Variants in PCDH7 observed in about 807,000 individuals in gnomAD.
PCDH7 encodes the protein protocadherin-7.
PCDH7 carries 17 observed loss-of-function variants against 58.9 expected under a neutral mutation model. The observed-to-expected ratio is 0.29, with a 90% confidence interval of 0.20 to 0.43. PCDH7 has a LOEUF of 0.43. PCDH7 is among the 20% of genes least tolerant of loss of function. PCDH7 has a pLI of 1.00. For missense variants in PCDH7, 1,274 were observed against 1,441.0 expected (o/e 0.88, Z 1.88); for synonymous variants, 664 against 616.4 (o/e 1.08, Z -1.14).
At chr4:31,097,638 A>ATATATATATATATATATAATC (rs370034723) in intron 3 of PCDH7, among the ~76,000 whole-genome samples, 1 of 79,208 alleles carries the variant, frequency 1.3e-5, no homozygotes, top group African/African-American at 5.8e-5. Flanking sequence ...ATATATATAT[A>ATATATATATATATATATAATC]AATCTTTTTT....
At chr4:30,825,271 A>C (rs138561923) in intron 1 of PCDH7, among the ~76,000 whole-genome samples, 1 of 152,290 alleles carries the variant, frequency 6.6e-6, no homozygotes, top group East Asian at 1.9e-4. Flanking sequence ...GTTAACTTTG[A>C]AAATCTGTGA....
intron 3 of PCDH7, among the ~76,000 whole-genome samples, chr4:30,997,444 A>G (rs1297404491): frequency 6.6e-6 from 1 of 152,180 alleles, no homozygotes; most frequent in African/African-American, 2.4e-5. Context: ...CTATGACTAT[A>G]TAATTTAGAA....
chr4:30,817,671 A>AT (rs892578045), intron 1 of PCDH7, among the ~76,000 whole-genome samples: 37 of 146,014 alleles, frequency 2.5e-4, no homozygotes, highest in South Asian at 6.5e-4. Flanking sequence ...GATATGGTGG[A>AT]TTTTTTTTTT....
At chr4:31,072,472 A>T (rs1435964115) in intron 3 of PCDH7, among the ~76,000 whole-genome samples, 1 of 152,108 alleles carries the variant, frequency 6.6e-6, no homozygotes, top group Non-Finnish European at 1.5e-5. Context: ...AGGCATTGAC[A>T]ATGTGAGCAT....
At chr4:30,858,973 C>T (rs1733840378) in intron 1 of PCDH7, among the ~76,000 whole-genome samples, 1 of 152,152 alleles carries the variant, frequency 6.6e-6, no homozygotes, top group African/African-American at 2.4e-5. Context: ...GGATTGTGGC[C>T]ACACATATGT....
chr4:30,812,326 A>T (rs2109314526), intron 1 of PCDH7, among the ~76,000 whole-genome samples: 1 of 152,272 alleles, frequency 6.6e-6, no homozygotes, highest in East Asian at 1.9e-4. Flanking sequence ...TTTTATTGTT[A>T]TCCTTAAGTA....
chr4:30,740,637 T>A (rs1716940187), intron 1 of PCDH7, among the ~76,000 whole-genome samples: 1 of 152,016 alleles, frequency 6.6e-6, no homozygotes, highest in African/African-American at 2.4e-5. Context: ...TAAAAGTACA[T>A]TTTGTTTACC....
intron 2 of PCDH7, among the ~76,000 whole-genome samples, chr4:30,927,345 T>C (rs1743999459): frequency 6.6e-6 from 1 of 152,076 alleles, no homozygotes; most frequent in Admixed American, 6.6e-5. Context: ...CACCACCCCG[T>C]CTGGGAGGTG....
intron 1 of PCDH7, among the ~76,000 whole-genome samples, chr4:30,872,262 A>G (rs942840635): frequency 7.9e-5 from 12 of 152,072 alleles, no homozygotes; most frequent in African/African-American, 2.7e-4. Context: ...ATTTAGGGAC[A>G]ACTTAGACCA....
intron 1 of PCDH7, among the ~76,000 whole-genome samples, chr4:30,871,017 T>C (rs889129875): frequency 6.6e-6 from 1 of 152,080 alleles, no homozygotes; most frequent in Non-Finnish European, 1.5e-5. Flanking sequence ...AGGTTTGCGC[T>C]GATGGCAAAT....
intron 3 of PCDH7, among the ~76,000 whole-genome samples, chr4:31,112,937 T>A (rs1205922336): frequency 6.6e-6 from 1 of 152,196 alleles, no homozygotes; most frequent in Non-Finnish European, 1.5e-5. Flanking sequence ...ACTGCTATTC[T>A]GAACACTACA....
intron 3 of PCDH7, among the ~76,000 whole-genome samples, chr4:31,079,351 T>TATATATATATATATATATATAG (rs1759302779): frequency 2.4e-5 from 2 of 83,504 alleles, no homozygotes; most frequent in African/African-American, 5.3e-5. Flanking sequence ...TATATATATA[T>TATATATATATATATATATATAG]ATATATATAT....
At chr4:30,771,843 A>G (rs1374013374) in intron 1 of PCDH7, among the ~76,000 whole-genome samples, 1 of 152,114 alleles carries the variant, frequency 6.6e-6, no homozygotes, top group Non-Finnish European at 1.5e-5. Context: ...AGAAGAAGGG[A>G]ATATAGGAAT....
chr4:31,038,807 A>G (rs1272085929), intron 3 of PCDH7, among the ~76,000 whole-genome samples: 1 of 152,118 alleles, frequency 6.6e-6, no homozygotes, highest in African/African-American at 2.4e-5. Context: ...GTTCTTTGCT[A>G]TATTTATCAA....
chr4:31,100,782 T>A (rs141245002), intron 3 of PCDH7, among the ~76,000 whole-genome samples: 1 of 152,300 alleles, frequency 6.6e-6, no homozygotes, highest in East Asian at 1.9e-4. Flanking sequence ...TGGCCTGATA[T>A]AAACTGTTTG....
chr4:31,016,396 C>CTTTTTT (rs35635325), intron 3 of PCDH7, among the ~76,000 whole-genome samples: 1 of 128,008 alleles, frequency 7.8e-6, no homozygotes, highest in Admixed American at 7.9e-5. Flanking sequence ...AAAGACAGAT[C>CTTTTTT]TTTTTTTTTT....
At chr4:30,926,684 C>T (rs374330384) in intron 2 of PCDH7, among the ~76,000 whole-genome samples, 2 of 152,194 alleles carry the variant, frequency 1.3e-5, no homozygotes, top group South Asian at 4.2e-4. Flanking sequence ...ATAGCAAGGA[C>T]CTAAAATGAG....
At chr4:30,725,302 T>C (rs879667335) in intron 1 of PCDH7, 9 of 994,038 alleles carry the variant, frequency 9.1e-6, no homozygotes, top group Non-Finnish European at 1.1e-5. Context: ...TATTAAAAGT[T>C]TGCAAACAAA....
intron 3 of PCDH7, among the ~76,000 whole-genome samples, chr4:31,090,945 TGTA>T (rs771036009): frequency 6.6e-6 from 1 of 152,060 alleles, no homozygotes; most frequent in Non-Finnish European, 1.5e-5. Flanking sequence ...ACAAAACTGT[TGTA>T]GTTAAAAGCA....
Sources: allele counts gnomAD v4.1 joint callset (sites outside exome capture counted in the v4.1 genomes callset), GRCh38; gene constraint gnomAD v4.1.1; transcripts MANE v1.5; gene names NCBI Gene and HGNC (gene_info 2026-07-23, HGNC 2026-07-21).